The following CNTNAP5 variants were observed in gnomAD, a reference collection of about 807,000 sequenced individuals.
CNTNAP5 encodes the protein contactin-associated protein-like 5.
A neutral mutation model predicts 150.2 loss-of-function variants in CNTNAP5; 72 were observed. The observed-to-expected ratio is 0.48, with a 90% CI of 0.40 to 0.58. The LOEUF is 0.58. Among genes scored for constraint, CNTNAP5 ranks in the 20% least tolerant of loss-of-function variants. CNTNAP5 has a pLI of 0.00. For synonymous variants in CNTNAP5, 672 were observed against 619.8 expected (o/e 1.08, Z -1.25); for missense variants, 1,636 against 1,626.2 (o/e 1.01, Z -0.10).
chr2:124,849,915 G>A (rs571788146), intron 19 of CNTNAP5, among the ~76,000 whole-genome samples: 53 of 152,294 alleles, frequency 3.5e-4, no homozygotes, highest in South Asian at 1.2e-3. Context: ...GGCTAAGGAA[G>A]GATGTCAAGT....
At chr2:124,816,252 G>A (rs1032050920) in intron 19 of CNTNAP5, among the ~76,000 whole-genome samples, 2 of 152,138 alleles carry the variant, frequency 1.3e-5, no homozygotes, top group Admixed American at 6.5e-5. Flanking sequence ...GCTCTATTCA[G>A]GGGCTCACAG....
At chr2:124,620,713 CAT>C (rs879304677) in intron 12 of CNTNAP5, among the ~76,000 whole-genome samples, 29 of 148,228 alleles carry the variant, frequency 2.0e-4, no homozygotes, top group Non-Finnish European at 2.5e-4. Context: ...TGAGAATTAG[CAT>C]ATATATATAT....
At chr2:124,439,683 T>C (rs1291004179) in intron 5 of CNTNAP5, among the ~76,000 whole-genome samples, 2 of 152,114 alleles carry the variant, frequency 1.3e-5, no homozygotes, top group African/African-American at 2.4e-5. Context: ...TTCCTGTCCG[T>C]TTCTTATTTT....
chr2:124,818,267 G>T (rs2104665888), intron 19 of CNTNAP5, among the ~76,000 whole-genome samples: 1 of 152,248 alleles, frequency 6.6e-6, no homozygotes, highest in East Asian at 1.9e-4. Flanking sequence ...ATGATCCCTG[G>T]AAGTATTAGG....
At position 124,327,272 on chromosome 2, in the gene CNTNAP5, G is replaced by A. The variant is rs866236490; in HGVS notation, c.381+84879G>A. ...TGGGATTACAGGCATGAGCCACTGC[G>A]CCCGGCAGATCCTGTTTTAAAAACA... On this transcript the variant is annotated intron_variant, in intron 3 of 23. Transcript: ENST00000682447. 5.9e-5 allele frequency among the ~76,000 whole-genome samples: 9 copies of A among 152,052 alleles called. No individual in the cohort carries two copies. In the South Asian group the frequency reaches 1.2e-3, roughly 21 times the overall value.
intron 3 of CNTNAP5, among the ~76,000 whole-genome samples, chr2:124,397,000 A>G (rs973183142): frequency 2.6e-5 from 4 of 152,234 alleles, no homozygotes; most frequent in African/African-American, 7.2e-5. Context: ...GCATCACTGC[A>G]TCTTCTTGAG....
chr2:124,481,481 C>A (rs1003039728), intron 7 of CNTNAP5, among the ~76,000 whole-genome samples: 2 of 152,072 alleles, frequency 1.3e-5, no homozygotes, highest in African/African-American at 2.4e-5. Context: ...AAGAAAATTT[C>A]TTTAGAATGT....
At chr2:124,488,353 A>T (rs1489722974) in intron 7 of CNTNAP5, among the ~76,000 whole-genome samples, 1 of 152,178 alleles carries the variant, frequency 6.6e-6, no homozygotes. Flanking sequence ...TAATCCTCAG[A>T]ATAACCTTAT....
rs537277758 is a variant in CNTNAP5, at chr2:124,263,246, C to G, written c.381+20853C>G. On this transcript the variant is annotated intron_variant, in intron 3 of 23. Coordinates refer to ENST00000682447, the MANE Select transcript of CNTNAP5 (RefSeq NM_001367498.1). ...CACACTGTCTTCCACAATGGTTGAA[C>G]TAGTTTACAGTCCCACCAACAGTGT... 2.6e-4 allele frequency among the ~76,000 whole-genome samples: 40 copies of G among 152,266 alleles called. 1 individual carries two copies. The highest frequency in any genetic ancestry group is 1.4e-3 in the South Asian group (7 of 4,830).
At chr2:124,445,233 G>A (rs1399951509) in intron 5 of CNTNAP5, among the ~76,000 whole-genome samples, 1 of 151,896 alleles carries the variant, frequency 6.6e-6, no homozygotes, top group Admixed American at 6.6e-5. Flanking sequence ...GGGATTACAG[G>A]CGCCCATCAC....
chr2:124,149,689 G>A (rs1684356613), intron 1 of CNTNAP5, among the ~76,000 whole-genome samples: 1 of 152,196 alleles, frequency 6.6e-6, no homozygotes, highest in Admixed American at 6.5e-5. Context: ...GCCAATCCGA[G>A]TGAGAATAGC....
In CNTNAP5 at chr2:124,488,283, G is replaced by A. The variant is rs189664905; in HGVS notation, c.1062+13401G>A. 1.7e-3 allele frequency among the ~76,000 whole-genome samples: 256 copies of A among 152,112 alleles called. 1 individual carries two copies. The highest frequency in any genetic ancestry group is 5.2e-3 in the Admixed American group (80 of 15,266). ...ATCAGTATTCTGCCATGAAAATAAC[G>A]TGTTGATCATTTATTACATGCCAAA... On this transcript the variant is annotated intron_variant, in intron 7 of 23. Coordinates refer to ENST00000682447, the MANE Select transcript of CNTNAP5 (RefSeq NM_001367498.1).
intron 16 of CNTNAP5, among the ~76,000 whole-genome samples, chr2:124,765,928 C>A (rs988700438): frequency 1.3e-5 from 2 of 151,738 alleles, no homozygotes; most frequent in Non-Finnish European, 2.9e-5. Context: ...TGCACCCCAG[C>A]CTGGGTAACA....
intron 3 of CNTNAP5, among the ~76,000 whole-genome samples, chr2:124,300,701 G>T (rs1351871362): frequency 6.6e-6 from 1 of 152,178 alleles, no homozygotes; most frequent in Non-Finnish European, 1.5e-5. Context: ...GTAGGGCCAG[G>T]AACTTTTTCA....
chr2:124,419,916 CTTT>C (rs2104779763), intron 4 of CNTNAP5, among the ~76,000 whole-genome samples: 1 of 122,074 alleles, frequency 8.2e-6, no homozygotes, highest in African/African-American at 3.5e-5. Flanking sequence ...TTCTTTCTTT[CTTT>C]CTTTCTTTCT....
At chr2:124,812,324 A>C (rs906800497) in intron 19 of CNTNAP5, among the ~76,000 whole-genome samples, 1 of 150,318 alleles carries the variant, frequency 6.7e-6, no homozygotes, top group African/African-American at 2.5e-5. Flanking sequence ...CCTAGAGCAC[A>C]CATATGGAAA....
chr2:124,896,850 A>C (rs1678317155), intron 21 of CNTNAP5, among the ~76,000 whole-genome samples: 1 of 151,580 alleles, frequency 6.6e-6, no homozygotes, highest in South Asian at 2.1e-4. Flanking sequence ...AGAATATGGA[A>C]GTTCTTAACT....
chr2:124,362,177 G>C (rs1464411037), intron 3 of CNTNAP5, among the ~76,000 whole-genome samples: 1 of 152,226 alleles, frequency 6.6e-6, no homozygotes, highest in Non-Finnish European at 1.5e-5. Context: ...CTGGCGCATG[G>C]TGCGCGAACC....
In CNTNAP5 at chr2:124,840,848, C is replaced by A. The variant is rs1289556866; in HGVS notation, c.3218-24458C>A. Among the ~76,000 whole-genome samples the A allele has an allele frequency of 2.6e-5, 4 of 152,212 alleles. No individual in the cohort carries two copies. In the East Asian group the frequency reaches 5.8e-4, roughly 22 times the overall value. The stretch of plus-strand genomic sequence containing the variant: ...AGCACTAACTAGTCTGTCTTCCCTG[C>A]ACTTAGCAGGCTGCATGGGGCTGAC... On this transcript the variant is annotated intron_variant, in intron 19 of 23. Coordinates refer to ENST00000682447, the MANE Select transcript of CNTNAP5 (RefSeq NM_001367498.1).
Sources: gnomAD v4.1 joint callset for allele counts (sites outside exome capture counted in the v4.1 genomes callset) on GRCh38, gnomAD v4.1.1 for gene constraint, MANE v1.5 for transcripts, NCBI Gene and HGNC (gene_info 2026-07-23, HGNC 2026-07-21) for gene names.